MAP4: variants seen among roughly 807,000 people sequenced by gnomAD.
MAP4 encodes the protein microtubule-associated protein 4.
A neutral mutation model predicts 170.2 loss-of-function variants in MAP4; 76 were observed. The ratio of observed to expected loss-of-function variants is 0.45; its 90% CI spans 0.37 to 0.54. The LOEUF is 0.54. Among genes scored for constraint, MAP4 ranks in the 20% least tolerant of loss-of-function variants. MAP4 has a pLI of 0.00. For synonymous variants in MAP4, 909 were observed against 994.5 expected (o/e 0.91, Z 1.62); for missense variants, 2,506 against 2,748.0 (o/e 0.91, Z 1.97).
intron 1 of MAP4, among the ~76,000 whole-genome samples, chr3:48,033,103 T>G (rs917474775): frequency 6.6e-6 from 1 of 152,232 alleles, no homozygotes; most frequent in African/African-American, 2.4e-5. Flanking sequence ...CAAATATATT[T>G]GTTCAAAGTC....
chr3:47,978,386 C>T (rs1246846797), intron 2 of MAP4, among the ~76,000 whole-genome samples: 2 of 152,126 alleles, frequency 1.3e-5, no homozygotes, highest in Admixed American at 6.6e-5. Flanking sequence ...GGTGCAACCT[C>T]GGCTCACTGC....
At chr3:47,898,970 C>A (rs2100028557) in intron 10 of MAP4, among the ~76,000 whole-genome samples, 1 of 152,032 alleles carries the variant, frequency 6.6e-6, no homozygotes, top group Admixed American at 6.6e-5. Flanking sequence ...CAAAACAAAA[C>A]AACCCACAGA....
chr3:47,871,082 T>C lies in MAP4; in HGVS notation c.6025A>G (p.Thr2009Ala). The C allele has an allele frequency of 6.2e-7, 1 of 1,607,526 alleles. No individual in the cohort carries two copies. The highest frequency in any genetic ancestry group is 8.5e-7 in the Non-Finnish European group (1 of 1,175,364). The change falls in exon 15 of 21, where the codon ACC (threonine) becomes GCC (alanine). Residue 2009 changes from threonine to alanine, a missense_variant. Coordinates refer to ENST00000683076, the MANE Select transcript of MAP4 (RefSeq NM_001385682.1). ...VPADLSRPKSTSTSSMKKTTT... is the reference protein window; with the variant it reads ...VPADLSRPKSASTSSMKKTTT... ...GTTTTCTTCATGGAACTGGTGGAGGTGCTCTTTGGGCGACTCAAGTCAGCT... is the reference window on the plus strand; with the variant it reads ...GTTTTCTTCATGGAACTGGTGGAGGCGCTCTTTGGGCGACTCAAGTCAGCT...
At chr3:48,012,398 T>C (rs1203326546) in intron 1 of MAP4, among the ~76,000 whole-genome samples, 1 of 152,154 alleles carries the variant, frequency 6.6e-6, no homozygotes, top group African/African-American at 2.4e-5. Flanking sequence ...CTGCATCAGT[T>C]TCATGGTCAA....
chr3:48,053,318 G>C (rs2154550390), intron 1 of MAP4, among the ~76,000 whole-genome samples: 1 of 151,938 alleles, frequency 6.6e-6, no homozygotes, highest in South Asian at 2.1e-4. Flanking sequence ...AGTCGTTCTG[G>C]TTTCTGTTTT....
At chr3:48,046,089 G>A (rs986808154) in intron 1 of MAP4, among the ~76,000 whole-genome samples, 2 of 150,944 alleles carry the variant, frequency 1.3e-5, no homozygotes, top group African/African-American at 2.4e-5. Context: ...TTGAATGAGA[G>A]CATCAGCATT....
intron 9 of MAP4, among the ~76,000 whole-genome samples, chr3:47,903,481 C>T (rs756099887): frequency 3.3e-5 from 5 of 149,590 alleles, no homozygotes; most frequent in East Asian, 2.0e-4. Flanking sequence ...TGCAGTGAGC[C>T]GAGATCGCGC....
chr3:47,857,849 C>T (rs1483802707), intron 17 of MAP4, among the ~76,000 whole-genome samples: 1 of 151,964 alleles, frequency 6.6e-6, no homozygotes, highest in Non-Finnish European at 1.5e-5. Flanking sequence ...GCTGGGATTA[C>T]AGGCGTGTAC....
intron 1 of MAP4, among the ~76,000 whole-genome samples, chr3:48,000,236 AAAAAAAAAAAAG>A (rs1381027141): frequency 7.9e-5 from 12 of 150,956 alleles, no homozygotes; most frequent in Non-Finnish European, 1.5e-4. Flanking sequence ...AAAAAAAAAA[AAAAAAAAAAAAG>A]AGCCAAAGGC....
At chr3:48,057,529 T>C (rs1241953605) in intron 1 of MAP4, among the ~76,000 whole-genome samples, 1 of 136,230 alleles carries the variant, frequency 7.3e-6, no homozygotes, top group Admixed American at 7.6e-5. Flanking sequence ...CACTTGTTTA[T>C]CTGCTGACCT....
intron 2 of MAP4, chr3:47,987,451 C>T: frequency 1.3e-6 from 2 of 1,497,754 alleles, no homozygotes; most frequent in East Asian, 2.5e-5. Context: ...GGAAAGGGAA[C>T]AGAAGTCAGG....
chr3:48,006,535 CTTAGCAGCTGGCAA>C (rs1364924589), intron 1 of MAP4, among the ~76,000 whole-genome samples: 1 of 152,214 alleles, frequency 6.6e-6, no homozygotes, highest in Non-Finnish European at 1.5e-5. Context: ...CATAGACATA[CTTAGCAGCTGGCAA>C]AACCCCCACA....
chr3:48,045,705 A>G (rs1183103871), intron 1 of MAP4, among the ~76,000 whole-genome samples: 1 of 152,232 alleles, frequency 6.6e-6, no homozygotes, highest in East Asian at 1.9e-4. Context: ...AATAGTGCTT[A>G]CATTCTTCTC....
At chr3:47,975,287 G>A in intron 3 of MAP4, 1 of 1,482,352 alleles carries the variant, frequency 6.7e-7, no homozygotes, top group Non-Finnish European at 9.0e-7. Flanking sequence ...CAGGTTGTTT[G>A]CTCAGGCATC....
Position 47,871,094 on chromosome 3 carries a change from G to A in MAP4, c.6013C>T (p.Arg2005Cys), listed in dbSNP as rs373482175. ...TAKSVPADLS[R>C]PKSTSTSSMK... ...GAACTGGTGGAGGTGCTCTTTGGGC[G>A]ACTCAAGTCAGCTGCAAAGAAGGGA... Residue 2005 changes from arginine (R) to cysteine (C), a missense_variant, in exon 15 of 21, where the codon CGC (arginine) becomes TGC (cysteine). Coordinates refer to ENST00000683076, the MANE Select transcript of MAP4 (RefSeq NM_001385682.1). 5.6e-6 allele frequency: 9 copies of A among 1,605,844 alleles called. No individual in the cohort carries two copies. Among genetic ancestry groups the A allele is most frequent in the South Asian group, 2.2e-5 (2 of 90,636 alleles).
intron 12 of MAP4, among the ~76,000 whole-genome samples, chr3:47,873,229 T>C (rs2094078504): frequency 6.6e-6 from 1 of 152,196 alleles, no homozygotes; most frequent in South Asian, 2.1e-4. Flanking sequence ...GTCTCTCAAG[T>C]ATAGATGCTT....
At chr3:47,912,444 C>T (rs1358884232) in intron 8 of MAP4, 23 bp from the exon 9 acceptor site, 2 of 1,448,954 alleles carry the variant, frequency 1.4e-6, no homozygotes. Flanking sequence ...ACAAAAAACT[C>T]CTCGTTATTG....
intron 4 of MAP4, among the ~76,000 whole-genome samples, chr3:47,922,183 A>G (rs905496810): frequency 6.6e-6 from 1 of 152,092 alleles, no homozygotes; most frequent in African/African-American, 2.4e-5. Context: ...TCCTGATCTC[A>G]AGTGATCTGC....
At chr3:48,078,765 C>T (rs1400678739) in intron 1 of MAP4, among the ~76,000 whole-genome samples, 1 of 152,036 alleles carries the variant, frequency 6.6e-6, no homozygotes, top group Non-Finnish European at 1.5e-5. Context: ...ATGTTCTTCC[C>T]ATAAGAAAAT....
Sources: gnomAD v4.1 joint callset for allele counts (sites outside exome capture counted in the v4.1 genomes callset) on GRCh38, gnomAD v4.1.1 for gene constraint, MANE v1.5 for transcripts, NCBI Gene and HGNC (gene_info 2026-07-23, HGNC 2026-07-21) for gene names.